The following RBMS3 variants were observed in gnomAD, a reference collection of about 807,000 sequenced individuals.
RBMS3 encodes the protein RNA binding motif single stranded interacting protein 3, also known as RNA-binding motif, single-stranded-interacting protein 3.
In RBMS3, 27 loss-of-function variants were observed where a neutral mutation model predicts 66.8. The observed-to-expected ratio is 0.40, with a 90% CI of 0.30 to 0.56. The LOEUF (loss-of-function observed/expected upper bound fraction) is 0.56. RBMS3 is among the 20% of genes least tolerant of loss of function. The pLI, the probability that RBMS3 is intolerant of heterozygous loss-of-function variation, is 0.40. For missense variants in RBMS3, 513 were observed against 549.5 expected (o/e 0.93, Z 0.66); for synonymous variants, 188 against 183.0 (o/e 1.03, Z -0.22).
At chr3:29,858,940 A>G (rs1488755930) in intron 6 of RBMS3, among the ~76,000 whole-genome samples, 1 of 152,182 alleles carries the variant, frequency 6.6e-6, no homozygotes, top group African/African-American at 2.4e-5. Context: ...CTCTGCTTTT[A>G]TCGTCACTGT....
At chr3:29,975,506 C>T (rs138728849) in intron 12 of RBMS3, among the ~76,000 whole-genome samples, 152 of 151,842 alleles carry the variant, frequency 1.0e-3, no homozygotes, top group African/African-American at 3.6e-3. Flanking sequence ...TTCTAATGAC[C>T]AGTGAGTGAG....
At chr3:29,819,809 C>G (rs1400369212) in intron 6 of RBMS3, among the ~76,000 whole-genome samples, 1 of 152,112 alleles carries the variant, frequency 6.6e-6, no homozygotes, top group Admixed American at 6.6e-5. Flanking sequence ...ATATGAAAAT[C>G]AAGGATAGCT....
At chr3:29,331,736 C>A (rs2035669525) in intron 1 of RBMS3, among the ~76,000 whole-genome samples, 1 of 150,746 alleles carries the variant, frequency 6.6e-6, no homozygotes, top group South Asian at 2.1e-4. Context: ...AGGTTTTTTT[C>A]CAGATTCACA....
chr3:29,580,211 A>G (rs3821576), intron 3 of RBMS3, among the ~76,000 whole-genome samples: 8,965 of 152,214 alleles, frequency 0.059, 542 homozygotes, highest in East Asian at 0.32. Flanking sequence ...TGTGCAAAAT[A>G]TATTGAGTTT....
Position 29,342,626 on chromosome 3 carries a change from T to A in RBMS3, c.75+60870T>A, listed in dbSNP as rs993720069. 5.3e-5 allele frequency among the ~76,000 whole-genome samples: 8 copies of A among 152,152 alleles called. No homozygotes were observed. The East Asian group carries it at 9.6e-4, about 18-fold the overall frequency. ...ACGTAGCTATATGCCGAGGATATTATCAAGTGGGTAGGGATTTATTTCCAT... is the reference window on the plus strand; with the variant it reads ...ACGTAGCTATATGCCGAGGATATTAACAAGTGGGTAGGGATTTATTTCCAT... On this transcript the variant is annotated intron_variant, in intron 1 of 14. Coordinates refer to ENST00000383767, the MANE Select transcript of RBMS3 (RefSeq NM_001003793.3).
At chr3:29,537,320 T>G (rs2045595509) in intron 3 of RBMS3, among the ~76,000 whole-genome samples, 1 of 152,204 alleles carries the variant, frequency 6.6e-6, no homozygotes, top group East Asian at 1.9e-4. Context: ...TTTATTTTAC[T>G]TGGTAAATAA....
intron 2 of RBMS3, among the ~76,000 whole-genome samples, chr3:29,463,283 T>C (rs2042428832): frequency 6.6e-6 from 1 of 152,228 alleles, no homozygotes; most frequent in South Asian, 2.1e-4. Context: ...AATGTAGCTT[T>C]AGATTAGCAA....
intron 4 of RBMS3, among the ~76,000 whole-genome samples, chr3:29,655,538 T>A (rs1300420645): frequency 6.6e-6 from 1 of 152,216 alleles, no homozygotes. Flanking sequence ...CACAGCACAA[T>A]GTGTTACTCA....
chr3:29,383,838 G>C (rs1215347899), intron 1 of RBMS3, among the ~76,000 whole-genome samples: 1 of 152,134 alleles, frequency 6.6e-6, no homozygotes, highest in East Asian at 1.9e-4. Context: ...AGTGTCTTTA[G>C]CTGTAAAATG....
At chr3:29,381,863 G>A (rs1437149310) in intron 1 of RBMS3, among the ~76,000 whole-genome samples, 2 of 152,186 alleles carry the variant, frequency 1.3e-5, no homozygotes, top group South Asian at 4.1e-4. Context: ...TGTGTTGGCT[G>A]TCGAACCAGA....
At chr3:29,423,370 C>A (rs150602596) in intron 1 of RBMS3, among the ~76,000 whole-genome samples, 2 of 152,138 alleles carry the variant, frequency 1.3e-5, no homozygotes, top group African/African-American at 4.8e-5. Context: ...ATTTTTACTT[C>A]CTACAAATCT....
At chr3:29,804,981 G>T (rs952104458) in intron 6 of RBMS3, among the ~76,000 whole-genome samples, 13 of 151,396 alleles carry the variant, frequency 8.6e-5, no homozygotes, top group African/African-American at 2.9e-4. Context: ...GAAATTCCCA[G>T]TGATATGTAC....
At chr3:29,292,427 A>G (rs2032893657) in intron 1 of RBMS3, among the ~76,000 whole-genome samples, 1 of 151,898 alleles carries the variant, frequency 6.6e-6, no homozygotes, top group Non-Finnish European at 1.5e-5. Context: ...AGAAATAACT[A>G]CTATTTTTTT....
chr3:29,317,194 C>T (rs1411259586), intron 1 of RBMS3, among the ~76,000 whole-genome samples: 1 of 151,680 alleles, frequency 6.6e-6, no homozygotes, highest in Non-Finnish European at 1.5e-5. Flanking sequence ...GTTTAGGAAG[C>T]TTTATGTGGG....
chr3:29,417,274 T>A (rs1281908322), intron 1 of RBMS3, among the ~76,000 whole-genome samples: 1 of 152,080 alleles, frequency 6.6e-6, no homozygotes, highest in East Asian at 1.9e-4. Context: ...TTTTATTCTT[T>A]TTTTAATGGG....
chr3:29,561,432 TTTGTTGTTGTTG>T (rs372349286), intron 3 of RBMS3, among the ~76,000 whole-genome samples: 3 of 148,948 alleles, frequency 2.0e-5, no homozygotes, highest in Non-Finnish European at 4.4e-5. Context: ...ATCTGTTGTT[TTTGTTGTTGTTG>T]TTGTTGTTGT....
At chr3:29,791,395 A>T (rs2057007399) in intron 6 of RBMS3, among the ~76,000 whole-genome samples, 1 of 152,176 alleles carries the variant, frequency 6.6e-6, no homozygotes, top group Non-Finnish European at 1.5e-5. Context: ...TCATCTTTGG[A>T]ATTTCAGGAT....
intron 10 of RBMS3, among the ~76,000 whole-genome samples, chr3:29,918,526 G>T (rs553955262): frequency 6.6e-6 from 1 of 152,112 alleles, no homozygotes; most frequent in African/African-American, 2.4e-5. Context: ...TTGTCTCAAA[G>T]TTATGTTATG....
intron 3 of RBMS3, among the ~76,000 whole-genome samples, chr3:29,565,834 T>A (rs925452263): frequency 2.0e-5 from 3 of 152,222 alleles, no homozygotes; most frequent in Non-Finnish European, 4.4e-5. Flanking sequence ...TGAAGATAAA[T>A]GTTTTGCCCT....
Sources: gnomAD v4.1 joint callset for allele counts (sites outside exome capture counted in the v4.1 genomes callset) on GRCh38, gnomAD v4.1.1 for gene constraint, MANE v1.5 for transcripts, NCBI Gene and HGNC (gene_info 2026-07-23, HGNC 2026-07-21) for gene names.